The following PRKG1 variants were observed in gnomAD, a reference collection of about 807,000 sequenced individuals.
The protein encoded by PRKG1 is cGMP-dependent protein kinase 1.
PRKG1 carries 35 observed loss-of-function variants against 88.1 expected under a neutral mutation model. The observed-to-expected ratio is 0.40, with a 90% CI of 0.30 to 0.53. PRKG1 has a LOEUF of 0.53. Among genes scored for constraint, PRKG1 ranks in the 20% least tolerant of loss-of-function variants. The pLI is 0.59. For synonymous variants in PRKG1, 303 were observed against 292.5 expected (o/e 1.04, Z -0.37); for missense variants, 540 against 839.8 (o/e 0.64, Z 4.41).
At chr10:51,767,595 C>T (rs546677628) in intron 3 of PRKG1, among the ~76,000 whole-genome samples, 2 of 152,200 alleles carry the variant, frequency 1.3e-5, no homozygotes, top group South Asian at 2.1e-4. Flanking sequence ...TTTGTGACCT[C>T]ATCCACATTA....
chr10:51,052,719 A>G (rs1843578815), intron 1 of PRKG1, among the ~76,000 whole-genome samples: 1 of 152,164 alleles, frequency 6.6e-6, no homozygotes, highest in Admixed American at 6.5e-5. Flanking sequence ...ATGCTTCATC[A>G]ATAATATTTC....
intron 3 of PRKG1, among the ~76,000 whole-genome samples, chr10:51,635,763 G>C (rs1025579635): frequency 6.6e-6 from 1 of 152,130 alleles, no homozygotes; most frequent in African/African-American, 2.4e-5. Context: ...TGTGGGTCTA[G>C]ATTAATCACT....
chr10:51,277,366 C>T (rs1334156360), intron 2 of PRKG1, among the ~76,000 whole-genome samples: 1 of 152,106 alleles, frequency 6.6e-6, no homozygotes, highest in Non-Finnish European at 1.5e-5. Flanking sequence ...TTACTGTAGC[C>T]TTGTAGTATA....
At chr10:51,645,798 C>G (rs1839901834) in intron 3 of PRKG1, among the ~76,000 whole-genome samples, 1 of 152,060 alleles carries the variant, frequency 6.6e-6, no homozygotes, top group African/African-American at 2.4e-5. Flanking sequence ...CAGATATTGT[C>G]TTAGCTTTTT....
intron 1 of PRKG1, among the ~76,000 whole-genome samples, chr10:51,030,132 G>C (rs1037560706): frequency 6.6e-6 from 1 of 151,990 alleles, no homozygotes; most frequent in Non-Finnish European, 1.5e-5. Context: ...ATAAAAGGCT[G>C]TTGGATAATA....
chr10:51,068,983 A>G (rs1017715700), intron 1 of PRKG1, among the ~76,000 whole-genome samples: 1 of 151,910 alleles, frequency 6.6e-6, no homozygotes, highest in East Asian at 1.9e-4. Context: ...TCTTTTGGCT[A>G]TTGTAAATGA....
At chr10:51,758,461 T>C (rs913847697) in intron 3 of PRKG1, among the ~76,000 whole-genome samples, 1 of 152,124 alleles carries the variant, frequency 6.6e-6, no homozygotes, top group African/African-American at 2.4e-5. Flanking sequence ...CAGTCTAAGA[T>C]GGGATTGAGC....
chr10:52,293,715 G>T (rs1357590543), intron 17 of PRKG1, 87 bp from the exon 18 acceptor site: 22 of 1,023,540 alleles, frequency 2.1e-5, no homozygotes, highest in Non-Finnish European at 3.3e-5. Flanking sequence ...TCACTAATAG[G>T]GAATAAATAC....
At chr10:51,077,248 C>T (rs1843978676) in intron 1 of PRKG1, among the ~76,000 whole-genome samples, 1 of 152,230 alleles carries the variant, frequency 6.6e-6, no homozygotes, top group South Asian at 2.1e-4. Flanking sequence ...CACGGACTTA[C>T]TGGCAACAAG....
chr10:52,162,193 GAA>G (rs1187380676), intron 9 of PRKG1, among the ~76,000 whole-genome samples: 2 of 151,944 alleles, frequency 1.3e-5, no homozygotes, highest in African/African-American at 4.8e-5. Context: ...ATCTCAGCAA[GAA>G]AAAATGCTTA....
chr10:51,654,588 G>C (rs1840118028), intron 3 of PRKG1, among the ~76,000 whole-genome samples: 1 of 151,970 alleles, frequency 6.6e-6, no homozygotes, highest in Admixed American at 6.6e-5. Flanking sequence ...AAACTCAGGA[G>C]GCTGCTTATT....
chr10:51,984,319 C>G lies in PRKG1; in HGVS notation c.763-70165C>G, dbSNP rs137921908. ...ATTGGCCAGTGTTATTACTTACAAG[C>G]TAAAGTGGCATTGGTAACTGCAATA... On this transcript the variant is annotated intron_variant, in intron 5 of 17. Coordinates refer to ENST00000373980, the MANE Select transcript of PRKG1 (RefSeq NM_006258.4). Among the ~76,000 whole-genome samples the G allele has an allele frequency of 5.0e-3, 764 of 152,268 alleles. 5 individuals are homozygous for G. The highest frequency in any genetic ancestry group is 0.018 in the African/African-American group (740 of 41,554).
rs562696202 is a variant in PRKG1, at chr10:52,133,046, ATTCT to A, written c.936-789_936-786del. On this transcript the variant is annotated intron_variant, in intron 7 of 17. Coordinates refer to ENST00000373980, the MANE Select transcript of PRKG1 (RefSeq NM_006258.4). ...ACTATCAAATAGTTAAGTCTTAGTC[ATTCT>A]TTCTATTTTTTTGTACCCGTTAACC... 2.0e-4 allele frequency among the ~76,000 whole-genome samples: 30 copies of A among 152,190 alleles called. No homozygotes were observed. In the South Asian group the frequency reaches 5.2e-3, roughly 26 times the overall value.
chr10:51,106,556 G>T (rs767963849), intron 1 of PRKG1, among the ~76,000 whole-genome samples: 57 of 152,142 alleles, frequency 3.7e-4, no homozygotes, highest in Non-Finnish European at 5.9e-4. Flanking sequence ...AAAAGTCTGT[G>T]CCCGCCTTGC....
At chr10:51,696,128 G>A (rs1841285764) in intron 3 of PRKG1, 1 of 152,184 alleles carries the variant, frequency 6.6e-6, no homozygotes, top group African/African-American at 2.4e-5. Flanking sequence ...AAAATGAGCA[G>A]TAAGTCAAGT....
intron 5 of PRKG1, among the ~76,000 whole-genome samples, chr10:51,926,266 G>A (rs1470511482): frequency 6.6e-6 from 1 of 152,156 alleles, no homozygotes; most frequent in East Asian, 1.9e-4. Context: ...TGTAACAAGA[G>A]AGAACAGTGA....
intron 1 of PRKG1, among the ~76,000 whole-genome samples, chr10:51,084,519 A>T (rs2131854753): frequency 6.6e-6 from 1 of 152,360 alleles, no homozygotes; most frequent in East Asian, 1.9e-4. Context: ...AATGTAAATT[A>T]AACTTCAGAT....
intron 4 of PRKG1, 102 bp downstream of exon 4, chr10:51,804,792 T>A (rs568402669): frequency 1.3e-6 from 1 of 744,316 alleles, no homozygotes; most frequent in African/African-American, 1.8e-5. Flanking sequence ...TGCCTTTCTC[T>A]CAGTCATAAT....
chr10:51,076,314 A>C (rs574828806), intron 1 of PRKG1, among the ~76,000 whole-genome samples: 1 of 152,346 alleles, frequency 6.6e-6, no homozygotes, highest in South Asian at 2.1e-4. Flanking sequence ...CTAATAGTTC[A>C]GCAGACTTAG....
Sources: allele counts gnomAD v4.1 joint callset (sites outside exome capture counted in the v4.1 genomes callset), GRCh38; gene constraint gnomAD v4.1.1; transcripts MANE v1.5; gene names NCBI Gene and HGNC (gene_info 2026-07-23, HGNC 2026-07-21).